SOX5: variants seen among roughly 807,000 people sequenced by gnomAD.
The protein encoded by SOX5 is SRY-box transcription factor 5, also known as transcription factor SOX-5.
SOX5 carries 9 observed loss-of-function variants against 92.0 expected under a neutral mutation model. The ratio of observed to expected loss-of-function variants is 0.10; its 90% CI spans 0.06 to 0.17. The LOEUF is 0.17. Ranked by LOEUF, SOX5 falls within the 10% of genes least tolerant of loss-of-function variation. The probability of loss-of-function intolerance (pLI) is 1.00; values close to 1 mark genes in which losing one functional copy is unlikely to be tolerated. For missense variants in SOX5, 642 were observed against 944.5 expected (o/e 0.68, Z 4.20); for synonymous variants, 344 against 336.3 (o/e 1.02, Z -0.25).
chr12:24,381,419 G>A (rs1156832336), intron 1 of SOX5, among the ~76,000 whole-genome samples: 1 of 152,026 alleles, frequency 6.6e-6, no homozygotes, highest in Non-Finnish European at 1.5e-5. Flanking sequence ...TGAAAGCATA[G>A]TACATACACA....
At chr12:24,268,877 T>C (rs1428446134) in intron 3 of SOX5, among the ~76,000 whole-genome samples, 2 of 152,192 alleles carry the variant, frequency 1.3e-5, no homozygotes, top group African/African-American at 2.4e-5. Flanking sequence ...TCAATTTCAG[T>C]CATATTCAGT....
intron 9 of SOX5, among the ~76,000 whole-genome samples, chr12:23,589,054 A>G (rs1318139620): frequency 2.0e-5 from 3 of 151,896 alleles, no homozygotes; most frequent in Admixed American, 6.6e-5. Flanking sequence ...GCAACAATGA[A>G]ATCACCAATG....
chr12:24,340,637 A>G lies in SOX5; in HGVS notation c.-174+27926T>C, dbSNP rs1050070703. On this transcript the variant is annotated intron_variant, in intron 2 of 4. Transcript: ENST00000446891. ...ATCCTTTCTGCTTCATTGGTCACCA[A>G]TGAATTTTCTATTAAATTCAATTGA... Among the ~76,000 whole-genome samples, 19 of 152,322 alleles carry G rather than the reference A, an allele frequency of 1.2e-4. No individual in the cohort carries two copies. The East Asian group carries it at 1.9e-3, about 15-fold the overall frequency.
At chr12:24,357,260 T>A (rs1278346159) in intron 2 of SOX5, 3 of 152,174 alleles carry the variant, frequency 2.0e-5, no homozygotes, top group African/African-American at 7.2e-5. Context: ...TTTAAGAAAT[T>A]TTTTTAAGAC....
At chr12:24,163,853 TTC>T (rs1953068323) in intron 4 of SOX5, among the ~76,000 whole-genome samples, 1 of 152,176 alleles carries the variant, frequency 6.6e-6, no homozygotes, top group South Asian at 2.1e-4. Context: ...AGCTCCATAT[TTC>T]TCTCTATATC....
At chr12:23,862,391 C>T (rs979697632) in intron 2 of SOX5, among the ~76,000 whole-genome samples, 1 of 152,154 alleles carries the variant, frequency 6.6e-6, no homozygotes, top group African/African-American at 2.4e-5. Context: ...TTCTCTCCAA[C>T]TTACCGCCAG....
chr12:23,544,942 C>T (rs1591925104), intron 12 of SOX5, among the ~76,000 whole-genome samples: 1 of 152,250 alleles, frequency 6.6e-6, no homozygotes, highest in African/African-American at 2.4e-5. Context: ...CATTATGTGT[C>T]TTCATCAAAT....
intron 4 of SOX5, among the ~76,000 whole-genome samples, chr12:24,051,819 C>A (rs1158573805): frequency 6.6e-6 from 1 of 152,184 alleles, no homozygotes; most frequent in African/African-American, 2.4e-5. Flanking sequence ...AACCACATTA[C>A]TTGCAAACTA....
At chr12:23,726,484 AAATT>A (rs2093141531) in intron 6 of SOX5, among the ~76,000 whole-genome samples, 1 of 152,170 alleles carries the variant, frequency 6.6e-6, no homozygotes, top group Non-Finnish European at 1.5e-5. Context: ...ACTATTGTGT[AAATT>A]AAAGTAAAAT....
chr12:23,893,889 AG>A (rs1241889081), intron 2 of SOX5, among the ~76,000 whole-genome samples: 1 of 152,168 alleles, frequency 6.6e-6, no homozygotes, highest in African/African-American at 2.4e-5. Flanking sequence ...TAAAAAGGAG[AG>A]GGAGGAATGA....
At chr12:24,453,290 T>C (rs1942583617) in intron 1 of SOX5, among the ~76,000 whole-genome samples, 1 of 145,602 alleles carries the variant, frequency 6.9e-6, no homozygotes, top group Non-Finnish European at 1.5e-5. Flanking sequence ...CACTATGTTT[T>C]GAAATAATAA....
At chr12:24,110,745 TA>T (rs1947228327) in intron 4 of SOX5, among the ~76,000 whole-genome samples, 1 of 150,134 alleles carries the variant, frequency 6.7e-6, no homozygotes, top group African/African-American at 2.4e-5. Flanking sequence ...AAATAAAATT[TA>T]AAAAATTAGC....
At chr12:23,646,645 G>A (rs1254476046) in intron 7 of SOX5, among the ~76,000 whole-genome samples, 1 of 152,162 alleles carries the variant, frequency 6.6e-6, no homozygotes, top group African/African-American at 2.4e-5. Context: ...TTTATTTAAT[G>A]TTCTCAATCC....
intron 4 of SOX5, among the ~76,000 whole-genome samples, chr12:24,065,679 G>T (rs945505888): frequency 1.7e-4 from 24 of 144,282 alleles, no homozygotes; most frequent in African/African-American, 5.9e-4. Flanking sequence ...AAAGAAAAAA[G>T]AAAAAGAAAA....
At chr12:24,233,398 C>T (rs921286928) in intron 3 of SOX5, among the ~76,000 whole-genome samples, 2 of 151,912 alleles carry the variant, frequency 1.3e-5, no homozygotes, top group Non-Finnish European at 2.9e-5. Flanking sequence ...AAAAAGTATG[C>T]CACAGAAACA....
chr12:23,991,551 C>T (rs1422044700), intron 4 of SOX5, among the ~76,000 whole-genome samples: 3 of 151,770 alleles, frequency 2.0e-5, no homozygotes, highest in Non-Finnish European at 2.9e-5. Context: ...AAATAAATTA[C>T]AAAAAATTCA....
chr12:24,056,961 C>G (rs1958181940), intron 4 of SOX5, among the ~76,000 whole-genome samples: 1 of 46,888 alleles, frequency 2.1e-5, no homozygotes, highest in South Asian at 6.8e-4. Flanking sequence ...GGCGACAGAG[C>G]GAGACTCCGT....
intron 3 of SOX5, among the ~76,000 whole-genome samples, chr12:23,765,214 T>C (rs974084887): frequency 6.6e-6 from 1 of 151,672 alleles, no homozygotes; most frequent in African/African-American, 2.4e-5. Context: ...TAACCTTTCA[T>C]GTATTTTGTA....
chr12:23,581,938 CTGCAT>C, intron 9 of SOX5, among the ~76,000 whole-genome samples: 1 of 152,018 alleles, frequency 6.6e-6, no homozygotes. Flanking sequence ...GCTTCTTCCT[CTGCAT>C]GATTTGAAAA....
Sources: gnomAD v4.1 joint callset for allele counts (sites outside exome capture counted in the v4.1 genomes callset) on GRCh38, gnomAD v4.1.1 for gene constraint, MANE v1.5 for transcripts, NCBI Gene and HGNC (gene_info 2026-07-23, HGNC 2026-07-21) for gene names.